The following CLTC variants were observed in gnomAD, a reference collection of about 807,000 sequenced individuals.
The protein encoded by CLTC is clathrin heavy chain 1.
Under a neutral mutation model 195.8 loss-of-function variants are expected in CLTC, and 16 were observed. The ratio of observed to expected loss-of-function variants is 0.08; its 90% CI spans 0.06 to 0.12. The LOEUF (loss-of-function observed/expected upper bound fraction) is 0.12, where lower values mean the gene tolerates loss of function less well. Ranked by LOEUF, CLTC falls within the 10% of genes least tolerant of loss-of-function variation. CLTC has a pLI of 1.00. For synonymous variants in CLTC, 667 were observed against 689.4 expected (o/e 0.97, Z 0.51); for missense variants, 796 against 2,027.0 (o/e 0.39, Z 11.66).
intron 6 of CLTC, among the ~76,000 whole-genome samples, chr17:59,657,113 A>ATT (rs1022879713): frequency 1.7e-4 from 26 of 152,180 alleles, no homozygotes; most frequent in African/African-American, 6.0e-4. Context: ...TAATAAGCAA[A>ATT]GGAAGTAGAT....
At position 59,619,994 on chromosome 17, in the gene CLTC, A is replaced by C; in HGVS notation, c.-138A>C. 1 of 700,224 alleles carries C rather than the reference A, an allele frequency of 1.4e-6. No individual in the cohort carries two copies. Among genetic ancestry groups the C allele is most frequent in the Non-Finnish European group, 2.4e-6 (1 of 411,764 alleles). The allele number at this position is 700,224 out of a possible 1,614,324, so 43.4% of individuals were successfully genotyped here. A position where few individuals can be genotyped will look rare whatever the true frequency, so the allele number is the denominator to read the frequency against. On this transcript the variant is annotated 5_prime_UTR_variant, in exon 1 of 32. Transcript: ENST00000269122. ...ACCCGAGCTCTTTCGTCTGCCTGCCAGTTTCCTGCGTCCCCGGAGAGGATC... is the reference window on the plus strand; with the variant it reads ...ACCCGAGCTCTTTCGTCTGCCTGCCCGTTTCCTGCGTCCCCGGAGAGGATC...
At position 59,694,216 on chromosome 17, in the gene CLTC, A is replaced by G. The variant is rs2033372070; in HGVS notation, c.*364A>G. On this transcript the variant is annotated 3_prime_UTR_variant, in exon 32 of 32. Transcript: ENST00000269122. The stretch of plus-strand genomic sequence containing the variant: ...CTCTAATATTGAATCTCTTAAATTT[A>G]GTGTATGTAAACAGCTTACAAATAC... The G allele has an allele frequency of 4.5e-6, 1 of 224,178 alleles. No individual in the cohort carries two copies. The highest frequency in any genetic ancestry group is 5.7e-5 in the Admixed American group (1 of 17,668). 13.9% of individuals were successfully genotyped at this position (224,178 alleles called of 1,614,324 possible).
intron 1 of CLTC, among the ~76,000 whole-genome samples, chr17:59,625,333 G>A (rs1314534045): frequency 2.0e-5 from 3 of 151,582 alleles, no homozygotes; most frequent in African/African-American, 4.9e-5. Flanking sequence ...CACCATGTTG[G>A]TCAGGATGGT....
chr17:59,647,180 A>G (rs4968388), intron 2 of CLTC, among the ~76,000 whole-genome samples: 118,102 of 152,108 alleles, frequency 0.78, 46,796 homozygotes, highest in East Asian at 0.93. Flanking sequence ...ATCTGTTTAA[A>G]GTGTGTTTAT....
rs769843086 is a variant in CLTC at position 59,648,475 on chromosome 17, T to C, written c.681+74T>C. 5.0e-5 allele frequency: 67 copies of C among 1,335,746 alleles called. No individual in the cohort carries two copies. In the African/African-American group the frequency reaches 6.2e-4, roughly 12 times the overall value. The allele number at this position is 1,335,746 out of a possible 1,614,324, so 82.7% of individuals were successfully genotyped here. ...TTCTGCTATGAATTAGTCATCTAAT[T>C]TCAAAATAGCCTTCTCCCTTCCTAA... On this transcript the variant is annotated intron_variant, in intron 4 of 31. Coordinates refer to ENST00000269122, the MANE Select transcript of CLTC (RefSeq NM_004859.4). The surrounding 1 kb of genome is among the most constrained non-coding windows in gnomAD (Gnocchi z 4.5).
At chr17:59,661,852 C>T (rs540405641) in intron 8 of CLTC, among the ~76,000 whole-genome samples, 1 of 152,076 alleles carries the variant, frequency 6.6e-6, no homozygotes, top group South Asian at 2.1e-4. Flanking sequence ...CCTGTAATCC[C>T]AGCACTTTGG....
At position 59,681,337 on chromosome 17, in the gene CLTC, C is replaced by T. The variant is rs750436895; in HGVS notation, c.3108C>T (p.Asp1036=). The change falls in exon 20 of 32, where the codon GAC becomes GAT. Residue 1036 remains aspartate, a synonymous_variant. Transcript: ENST00000269122. The surrounding 1 kb of genome is among the most constrained non-coding windows in gnomAD (Gnocchi z 5.0). ...TTATCCTCACTGCAATTAAGGCTGA[C>T]CGTACACGTGTTATGGAGTATATTA... ...NLLILTAIKA[D]RTRVMEYINR... 6.2e-7 allele frequency: 1 copy of T among 1,613,896 alleles called. No individual in the cohort carries two copies. Among genetic ancestry groups the T allele is most frequent in the South Asian group, 1.1e-5 (1 of 91,050 alleles).
chr17:59,655,063 A>T (rs2143525502), intron 5 of CLTC, among the ~76,000 whole-genome samples: 1 of 152,336 alleles, frequency 6.6e-6, no homozygotes, highest in East Asian at 1.9e-4. Flanking sequence ...TTCCTTCAAG[A>T]ATTTTCCTTT....
chr17:59,663,789 C>T (rs2032663869), intron 8 of CLTC, 53 bp from the exon 9 acceptor site: 7 of 1,522,058 alleles, frequency 4.6e-6, no homozygotes, highest in Non-Finnish European at 6.2e-6. Flanking sequence ...GTCAACTGCT[C>T]ATTTCTAAAA....
At chr17:59,625,690 T>C (rs1272298702) in intron 1 of CLTC, among the ~76,000 whole-genome samples, 1 of 152,176 alleles carries the variant, frequency 6.6e-6, no homozygotes, top group Non-Finnish European at 1.5e-5. Context: ...AAAGCAGATA[T>C]GCAATACTTC....
chr17:59,657,782 AAAG>A (rs1431225809), intron 6 of CLTC, among the ~76,000 whole-genome samples: 34 of 151,732 alleles, frequency 2.2e-4, no homozygotes, highest in African/African-American at 4.3e-4. Context: ...AAAAAAAAAA[AAAG>A]AAGGAAAATC....
intron 1 of CLTC, among the ~76,000 whole-genome samples, chr17:59,626,767 C>G (rs1466977591): frequency 6.6e-6 from 1 of 152,190 alleles, no homozygotes. Context: ...ATGGCTAATG[C>G]TCTTAACTCA....
chr17:59,662,139 A>T (rs1403840820), intron 8 of CLTC, among the ~76,000 whole-genome samples: 1 of 152,022 alleles, frequency 6.6e-6, no homozygotes, highest in Non-Finnish European at 1.5e-5. Flanking sequence ...GTAAGACAGG[A>T]TGGCTATCTA....
intron 16 of CLTC, among the ~76,000 whole-genome samples, chr17:59,675,244 T>C (rs1567964657): frequency 6.6e-6 from 1 of 152,152 alleles, no homozygotes; most frequent in Non-Finnish European, 1.5e-5. Context: ...GTGTGGTGTT[T>C]AAGTGTGAGG....
chr17:59,666,898 T>A lies in CLTC; in HGVS notation c.2049T>A (p.Val683=). 6 of 1,614,010 alleles carry A rather than the reference T, an allele frequency of 3.7e-6. No individual in the cohort carries two copies. The highest frequency in any genetic ancestry group is 4.2e-6 in the Non-Finnish European group (5 of 1,179,912). The change falls in exon 13 of 32, where the codon GTT becomes GTA. Residue 683 remains valine, a synonymous_variant. Transcript: ENST00000269122. This position sits in a 1 kb window ranked among gnomAD's most constrained non-coding sequence, Gnocchi z 4.9. The part of the protein sequence containing the change: ...ANIRQNLQIC[V]QVASKYHEQL... ...TCCGTCAGAATCTGCAGATTTGTGT[T>A]CAGGTGGCTTCTAAATATCATGAAC...
chr17:59,656,572 A>G (rs554030429), intron 6 of CLTC, among the ~76,000 whole-genome samples: 2 of 152,170 alleles, frequency 1.3e-5, no homozygotes, highest in Non-Finnish European at 2.9e-5. Flanking sequence ...TCAGTTTGGT[A>G]GGAAAAATAT....
At chr17:59,665,033 T>A in intron 10 of CLTC, 124 bp downstream of exon 10, 2 of 1,258,966 alleles carry the variant, frequency 1.6e-6, no homozygotes, top group Non-Finnish European at 2.2e-6. Flanking sequence ...AAGACCAGTC[T>A]GGGCAACATT....
chr17:59,671,380 G>C (rs2032844028), intron 14 of CLTC, among the ~76,000 whole-genome samples: 1 of 152,094 alleles, frequency 6.6e-6, no homozygotes, highest in Non-Finnish European at 1.5e-5. Context: ...CTTAATTTTA[G>C]AGGTACTAGC....
intron 1 of CLTC, among the ~76,000 whole-genome samples, chr17:59,642,398 T>C (rs2143490902): frequency 6.6e-6 from 1 of 152,346 alleles, no homozygotes; most frequent in Admixed American, 6.5e-5. Context: ...GGTAGAGACT[T>C]AGAAACATAG....
Sources: gnomAD v4.1 joint callset for allele counts (sites outside exome capture counted in the v4.1 genomes callset) on GRCh38, gnomAD v4.1.1 for gene constraint, Gnocchi (gnomAD v3.1) non-coding constraint, MANE v1.5 for transcripts, NCBI Gene and HGNC (gene_info 2026-07-23, HGNC 2026-07-21) for gene names.